The following ECI1 variants were observed in gnomAD, a reference collection of about 807,000 sequenced individuals.
ECI1 encodes enoyl-CoA delta isomerase 1, also known as enoyl-CoA delta isomerase 1, mitochondrial.
ECI1 carries 34 observed loss-of-function variants against 34.2 expected under a neutral mutation model. The ratio of observed to expected loss-of-function variants is 1.00; its 90% CI spans 0.76 to 1.33. The LOEUF (loss-of-function observed/expected upper bound fraction) is 1.33, where lower values mean the gene tolerates loss of function less well. Among genes scored for constraint, ECI1 ranks in the 40% most tolerant of loss-of-function variants. The pLI is 0.00. For missense variants in ECI1, 456 were observed against 422.2 expected, an observed-to-expected ratio of 1.08 and a Z score of -0.70; for synonymous variants, 211 against 193.0, an observed-to-expected ratio of 1.09 and a Z score of -0.77.
Position 2,239,962 on chromosome 16 carries a change from C to T in ECI1, c.*17G>A. ...CACAGGGGCACGTGTGGCCGTAAGC[C>T]TGTGGCAGCCCAATCGTTAGCCTTT... is the stretch of plus-strand genomic sequence containing the variant. On this transcript the variant is annotated 3_prime_UTR_variant, in exon 7 of 7. Coordinates refer to ENST00000301729, the MANE Select transcript of ECI1 (RefSeq NM_001919.4). 1 of 1,613,480 alleles carries T rather than the reference C, an allele frequency of 6.2e-7. No individual in the cohort carries two copies. The highest frequency in any genetic ancestry group is 1.3e-5 in the African/African-American group (1 of 75,074).
chr16:2,250,854 C>T (rs2093551590), intron 2 of ECI1, among the ~76,000 whole-genome samples: 1 of 152,204 alleles, frequency 6.6e-6, no homozygotes, highest in African/African-American at 2.4e-5. Flanking sequence ...CGGAATCTTG[C>T]TCTGTGGCCC....
At chr16:2,250,583 T>C (rs2141512835) in intron 2 of ECI1, among the ~76,000 whole-genome samples, 1 of 152,232 alleles carries the variant, frequency 6.6e-6, no homozygotes, top group African/African-American at 2.4e-5. Context: ...AGGCGTGCCC[T>C]CTCGGTGCCC....
intron 3 of ECI1, among the ~76,000 whole-genome samples, chr16:2,245,103 G>A (rs892753206): frequency 6.6e-6 from 1 of 152,168 alleles, no homozygotes; most frequent in Non-Finnish European, 1.5e-5. Flanking sequence ...GCCAGCACAG[G>A]AGCCTCAGAC....
rs2093525094 is a variant in ECI1 at position 2,240,297 on chromosome 16, C to T, written c.743-152G>A. Reference sequence around the variant, plus strand: ...TGGGATCTTGGCTCACTGCAACCTCCGCCTCCCGAGTTCAAGTGATTCTCC... The same window carrying T: ...TGGGATCTTGGCTCACTGCAACCTCTGCCTCCCGAGTTCAAGTGATTCTCC... On this transcript the variant is annotated intron_variant, in intron 6 of 6. Coordinates refer to ENST00000301729, the MANE Select transcript of ECI1 (RefSeq NM_001919.4). 4 of 788,636 alleles carry T rather than the reference C, an allele frequency of 5.1e-6. No homozygotes were observed. The Admixed American group carries it at 6.8e-5, about 13-fold the overall frequency. The allele number at this position is 788,636 out of a possible 1,614,324, so 48.9% of individuals were successfully genotyped here.
At chr16:2,244,669 G>A in intron 3 of ECI1, 117 bp from the exon 4 acceptor site, 4 of 1,138,376 alleles carry the variant, frequency 3.5e-6, no homozygotes, top group Non-Finnish European at 5.0e-6. Flanking sequence ...CACGCTCAGG[G>A]TGTGGGTGCT....
At chr16:2,250,646 C>T (rs2093551158) in intron 2 of ECI1, among the ~76,000 whole-genome samples, 1 of 152,174 alleles carries the variant, frequency 6.6e-6, no homozygotes, top group South Asian at 2.1e-4. Flanking sequence ...TCCAAAAGTA[C>T]TTTTTCTATC....
intron 2 of ECI1, among the ~76,000 whole-genome samples, chr16:2,249,271 A>C (rs11640985): frequency 6.6e-6 from 1 of 151,364 alleles, no homozygotes; most frequent in Non-Finnish European, 1.5e-5. Context: ...GAATGGTCTC[A>C]ATCTCCTGAC....
Position 2,243,076 on chromosome 16 carries a change from A to G in ECI1, c.712T>C (p.Ser238Pro). Reference sequence around the variant, plus strand: ...ATGGCCATCCACTGGGCTATCGCTGACAGCGCAGTGCTCTGCACCTGCTCC... The same window carrying G: ...ATGGCCATCCACTGGGCTATCGCTGGCAGCGCAGTGCTCTGCACCTGCTCC... ...PEEQVQSTAL[S>P]AIAQWMAIPD... The change falls in exon 6 of 7, where the codon TCA (serine) becomes CCA (proline). Residue 238 changes from serine (S) to proline (P), a missense_variant. Coordinates refer to ENST00000301729, the MANE Select transcript of ECI1 (RefSeq NM_001919.4). 1 of 1,604,710 alleles carries G rather than the reference A, an allele frequency of 6.2e-7. No individual in the cohort carries two copies. Among genetic ancestry groups the G allele is most frequent in the South Asian group, 1.1e-5 (1 of 91,028 alleles).
At chr16:2,250,407 T>A (rs1024218669) in intron 2 of ECI1, among the ~76,000 whole-genome samples, 1 of 152,128 alleles carries the variant, frequency 6.6e-6, no homozygotes, top group Non-Finnish European at 1.5e-5. Flanking sequence ...CCTGGAGTCC[T>A]GAAGCTGTGC....
intron 6 of ECI1, chr16:2,241,736 G>A (rs1371600824): frequency 1.3e-5 from 2 of 151,960 alleles, no homozygotes; most frequent in Admixed American, 1.3e-4. Context: ...CTGTCACCCA[G>A]GCTGGGGTAC....
At chr16:2,247,381 C>T (rs540522518) in intron 2 of ECI1, among the ~76,000 whole-genome samples, 5 of 152,176 alleles carry the variant, frequency 3.3e-5, no homozygotes, top group Non-Finnish European at 7.3e-5. Context: ...AGGCGTGAGC[C>T]CCCGCGCCTG....
chr16:2,251,404 G>C lies in ECI1; in HGVS notation c.78C>G (p.Leu26=). Residue 26 remains leucine (L), a synonymous_variant, in exon 2 of 7, where the codon CTC becomes CTG. Transcript: ENST00000301729. ...RAGARLPGAA[L]GRTERAAGGG... ...CGCCGGCCGCCCGCTCCGTCCGCCC[G>C]AGGGCCGCGCCCGGGAGCCGGGCCC... 1.5e-6 allele frequency: 2 copies of C among 1,344,144 alleles called. No individual in the cohort carries two copies. Among genetic ancestry groups the C allele is most frequent in the Non-Finnish European group, 1.9e-6 (2 of 1,046,642 alleles). The allele number at this position is 1,344,144 out of a possible 1,614,324, so 83.3% of individuals were successfully genotyped here.
At chr16:2,249,803 G>A (rs1714991585) in intron 2 of ECI1, among the ~76,000 whole-genome samples, 6 of 148,762 alleles carry the variant, frequency 4.0e-5, no homozygotes, top group South Asian at 2.1e-4. Flanking sequence ...GTGTGAACCC[G>A]GGAGGCGGAG....
intron 4 of ECI1, 110 bp from the exon 5 acceptor site, chr16:2,243,549 G>A (rs909891442): frequency 2.8e-5 from 39 of 1,375,930 alleles, no homozygotes; most frequent in Non-Finnish European, 3.4e-5. Context: ...CCCGACCCCC[G>A]CAGGGTTCAA....
chr16:2,247,399 T>TG (rs2093542917), intron 2 of ECI1, among the ~76,000 whole-genome samples: 1 of 148,848 alleles, frequency 6.7e-6, no homozygotes, highest in African/African-American at 2.5e-5. Flanking sequence ...CTGGTCCTAT[T>TG]TTTATTTACT....
At chr16:2,246,601 T>C (rs2093540896) in intron 3 of ECI1, among the ~76,000 whole-genome samples, 1 of 152,200 alleles carries the variant, frequency 6.6e-6, no homozygotes, top group Non-Finnish European at 1.5e-5. Context: ...AGGCTGTCTC[T>C]GAGACTGGTC....
At chr16:2,245,922 G>A (rs780751502) in intron 3 of ECI1, among the ~76,000 whole-genome samples, 12 of 152,084 alleles carry the variant, frequency 7.9e-5, no homozygotes, top group South Asian at 2.1e-4. Context: ...CCAAGATCAC[G>A]TCACTGTACT....
rs373157810 is a variant in ECI1, at chr16:2,249,289, T to G, written c.166+2027A>C. Among the ~76,000 whole-genome samples the G allele has an allele frequency of 1.3e-4, 19 of 151,846 alleles. No homozygotes were observed. The East Asian group carries it at 3.7e-3, about 30-fold the overall frequency. ...TGGTCTCAATCTCCTGACCTCGTGA[T>G]CCGCGCACCCTGGCCTCCCAAAGTG... On this transcript the variant is annotated intron_variant, in intron 2 of 6. Coordinates refer to ENST00000301729, the MANE Select transcript of ECI1 (RefSeq NM_001919.4).
At chr16:2,250,261 C>CAAAA (rs560687371) in intron 2 of ECI1, among the ~76,000 whole-genome samples, 7 of 67,634 alleles carry the variant, frequency 1.0e-4, no homozygotes, top group African/African-American at 3.1e-4. Flanking sequence ...ACTACATCTC[C>CAAAA]AAAAAAAAAA....
Sources: gnomAD v4.1 joint callset for allele counts (sites outside exome capture counted in the v4.1 genomes callset) on GRCh38, gnomAD v4.1.1 for gene constraint, MANE v1.5 for transcripts, NCBI Gene and HGNC (gene_info 2026-07-23, HGNC 2026-07-21) for gene names.